Variants in AGBL1 observed in about 807,000 individuals in gnomAD.
AGBL1 encodes the protein AGBL carboxypeptidase 1.
In AGBL1, 130 loss-of-function variants were observed where a neutral mutation model predicts 118.9. That is an observed-to-expected ratio of 1.09 (90% confidence interval 0.95 to 1.26). The LOEUF is 1.26. Ranked by LOEUF, AGBL1 falls within the 50% of genes most tolerant of loss-of-function variation. The pLI is 0.00. For missense variants in AGBL1, 1,584 were observed against 1,298.1 expected (o/e 1.22, Z -3.38); for synonymous variants, 555 against 478.9 (o/e 1.16, Z -2.08).
chr15:86,562,694 A>T (rs2083844809), intron 21 of AGBL1, among the ~76,000 whole-genome samples: 1 of 152,120 alleles, frequency 6.6e-6, no homozygotes, highest in South Asian at 2.1e-4. Flanking sequence ...TTTTCTATTG[A>T]TTGGAATAGT....
chr15:86,300,145 G>T (rs1185879540), intron 17 of AGBL1, among the ~76,000 whole-genome samples: 1 of 152,028 alleles, frequency 6.6e-6, no homozygotes, highest in Non-Finnish European at 1.5e-5. Flanking sequence ...TTAGGCTTTG[G>T]TCTTACTGGA....
In AGBL1 at chr15:86,797,797, C is replaced by A. The variant is rs74025495; in HGVS notation, c.3159-109290C>A. ...ATGGAAAGGGAAGGACTTGGAAGAACCTGCAAAGGGAAGGAAGCCCTTGGA... is the reference window on the plus strand; with the variant it reads ...ATGGAAAGGGAAGGACTTGGAAGAAACTGCAAAGGGAAGGAAGCCCTTGGA... On this transcript the variant is annotated intron_variant, in intron 22 of 22. Coordinates refer to ENST00000614907, the MANE Select transcript of AGBL1 (RefSeq NM_001386094.1). 3.7e-3 allele frequency among the ~76,000 whole-genome samples: 557 copies of A among 152,202 alleles called. 6 individuals are homozygous for A. The highest frequency in any genetic ancestry group is 0.013 in the African/African-American group (525 of 41,526).
chr15:86,882,073 A>G (rs1267165107), intron 22 of AGBL1, among the ~76,000 whole-genome samples: 1 of 152,198 alleles, frequency 6.6e-6, no homozygotes, highest in Non-Finnish European at 1.5e-5. Context: ...ATTAAATGGG[A>G]AACTATGAAA....
chr15:87,024,780 T>C (rs1301106434), intron 24 of AGBL1, among the ~76,000 whole-genome samples: 1 of 151,808 alleles, frequency 6.6e-6, no homozygotes, highest in Non-Finnish European at 1.5e-5. Context: ...AAAAAGAAAA[T>C]TCACCATGAT....
chr15:86,224,948 T>A lies in AGBL1; in HGVS notation c.523T>A (p.Ser175Thr). ...ATEVLAALLK[S>T]KSNGRRAVNR... ...TGAAGTTTTGGCAGCATTGCTGAAATCCAGTAAGCACCTCTTTTGAAGGGT... is the reference window on the plus strand; with the variant it reads ...TGAAGTTTTGGCAGCATTGCTGAAAACCAGTAAGCACCTCTTTTGAAGGGT... Residue 175 changes from serine to threonine, a missense_variant, in exon 6 of 23, where the codon TCC becomes ACC. By Grantham distance (58) the Ser-to-Thr change is moderately conservative (BLOSUM62 1). Transcript: ENST00000614907. The A allele has an allele frequency of 6.2e-7, 1 of 1,613,298 alleles. No individual in the cohort carries two copies. The highest frequency in any genetic ancestry group is 1.7e-5 in the Admixed American group (1 of 59,934).
intron 22 of AGBL1, among the ~76,000 whole-genome samples, chr15:86,846,282 C>G (rs919411959): frequency 6.6e-6 from 1 of 152,266 alleles, no homozygotes; most frequent in Non-Finnish European, 1.5e-5. Context: ...GGATAGTTGA[C>G]AGTTTTTTTG....
chr15:86,383,572 G>A (rs1433336157), intron 17 of AGBL1, among the ~76,000 whole-genome samples: 2 of 152,284 alleles, frequency 1.3e-5, no homozygotes, highest in East Asian at 1.9e-4. Context: ...GGGCAACGGA[G>A]TGAGACTCCA....
intron 6 of AGBL1, among the ~76,000 whole-genome samples, chr15:86,225,166 C>G (rs2078342439): frequency 6.6e-6 from 1 of 151,474 alleles, no homozygotes. Flanking sequence ...AGGTACATGA[C>G]CACAAAGAGA....
intron 18 of AGBL1, among the ~76,000 whole-genome samples, chr15:86,441,873 G>C (rs760559196): frequency 2.0e-5 from 3 of 152,218 alleles, no homozygotes; most frequent in Non-Finnish European, 2.9e-5. Flanking sequence ...CCACCTCTCA[G>C]GTGCTGGGCT....
intron 23 of AGBL1, among the ~76,000 whole-genome samples, chr15:86,934,643 T>C (rs550343712): frequency 1.3e-5 from 2 of 152,166 alleles, no homozygotes; most frequent in East Asian, 3.9e-4. Flanking sequence ...AGTTACAGGG[T>C]CAATAGGATG....
intron 1 of AGBL1, among the ~76,000 whole-genome samples, chr15:86,128,577 C>A (rs757058131): frequency 1.4e-4 from 21 of 152,242 alleles, no homozygotes; most frequent in Non-Finnish European, 2.6e-4. Flanking sequence ...ACAGGCGCCC[C>A]ACCTCGCATG....
chr15:86,276,630 G>T (rs884300), intron 15 of AGBL1, among the ~76,000 whole-genome samples: 60,797 of 152,020 alleles, frequency 0.4, 12,546 homozygotes, highest in Middle Eastern at 0.5. Flanking sequence ...GAATAGGAGT[G>T]ATAAGGGGGC....
chr15:86,479,407 CA>C (rs775726110), intron 18 of AGBL1, among the ~76,000 whole-genome samples: 1 of 151,948 alleles, frequency 6.6e-6, no homozygotes, highest in Non-Finnish European at 1.5e-5. Context: ...ACGCCATCAA[CA>C]AGTGGGCAAA....
chr15:86,957,703 T>C (rs1418266457), intron 23 of AGBL1, among the ~76,000 whole-genome samples: 2 of 152,060 alleles, frequency 1.3e-5, no homozygotes, highest in African/African-American at 4.8e-5. Flanking sequence ...GCTTTTCCAA[T>C]TTCAAAACAA....
intron 24 of AGBL1, among the ~76,000 whole-genome samples, chr15:87,019,125 T>G (rs1264224784): frequency 1.3e-5 from 2 of 152,038 alleles, no homozygotes; most frequent in Non-Finnish European, 2.9e-5. Context: ...ATAAAGCAAG[T>G]TTTTAGAGAC....
intron 5 of AGBL1, among the ~76,000 whole-genome samples, chr15:86,223,846 T>C (rs1301898020): frequency 2.0e-5 from 3 of 152,336 alleles, no homozygotes; most frequent in Middle Eastern, 3.4e-3. Context: ...TTTTTACTGC[T>C]GGCTCTGTTG....
intron 22 of AGBL1, among the ~76,000 whole-genome samples, chr15:86,852,288 C>T (rs541136442): frequency 2.0e-4 from 31 of 152,240 alleles, no homozygotes; most frequent in African/African-American, 7.0e-4. Flanking sequence ...AGAACTCACT[C>T]ACTATTGTGA....
intron 23 of AGBL1, among the ~76,000 whole-genome samples, chr15:86,966,658 T>A (rs2081056420): frequency 6.6e-6 from 1 of 152,180 alleles, no homozygotes; most frequent in South Asian, 2.1e-4. Flanking sequence ...CATGAACTCA[T>A]CTTTTTTTAT....
At chr15:86,783,263 G>T (rs148993613) in intron 22 of AGBL1, among the ~76,000 whole-genome samples, 102 of 152,224 alleles carry the variant, frequency 6.7e-4, no homozygotes, top group Middle Eastern at 3.4e-3. Flanking sequence ...AATAAGTTCT[G>T]GTCCTCTATT....
Sources: allele counts gnomAD v4.1 joint callset (sites outside exome capture counted in the v4.1 genomes callset), GRCh38; gene constraint gnomAD v4.1.1; transcripts MANE v1.5; gene names NCBI Gene and HGNC (gene_info 2026-07-23, HGNC 2026-07-21).